Variants in TSHZ2 observed in about 807,000 individuals in gnomAD.
TSHZ2 encodes teashirt zinc finger homeobox 2, also known as teashirt homolog 2.
A neutral mutation model predicts 74.4 loss-of-function variants in TSHZ2; 21 were observed. The observed-to-expected ratio is 0.28, with a 90% CI of 0.20 to 0.41. The LOEUF (loss-of-function observed/expected upper bound fraction) is 0.41. TSHZ2 is among the 10% of genes least tolerant of loss of function. The probability of loss-of-function intolerance (pLI) is 1.00; values close to 1 mark genes in which losing one functional copy is unlikely to be tolerated. For missense variants in TSHZ2, 1,244 were observed against 1,293.5 expected, an observed-to-expected ratio of 0.96 and a Z score of 0.59; for synonymous variants, 540 against 515.3, an observed-to-expected ratio of 1.05 and a Z score of -0.65.
intron 2 of TSHZ2, among the ~76,000 whole-genome samples, chr20:53,419,145 G>A (rs1030356455): frequency 6.6e-6 from 1 of 152,208 alleles, no homozygotes; most frequent in African/African-American, 2.4e-5. Context: ...AAGCCGCTTT[G>A]TGGACCAGGT....
intron 2 of TSHZ2, among the ~76,000 whole-genome samples, chr20:53,325,938 C>T (rs185530139): frequency 3.0e-4 from 45 of 152,248 alleles, no homozygotes; most frequent in South Asian, 8.3e-4. Flanking sequence ...TCTGCCACCA[C>T]GCCCAGCTAA....
chr20:53,103,275 G>T (rs1026545312), intron 1 of TSHZ2, among the ~76,000 whole-genome samples: 3 of 152,288 alleles, frequency 2.0e-5, no homozygotes, highest in Non-Finnish European at 4.4e-5. Flanking sequence ...GAGCAAAAAT[G>T]GGTATCTTTT....
At chr20:53,332,895 G>A (rs1324662963) in intron 2 of TSHZ2, among the ~76,000 whole-genome samples, 2 of 152,146 alleles carry the variant, frequency 1.3e-5, no homozygotes, top group Admixed American at 6.6e-5. Flanking sequence ...TACTGCATCT[G>A]GTGCCAGCCC....
chr20:53,266,682 A>G (rs1328657617), intron 2 of TSHZ2, among the ~76,000 whole-genome samples: 1 of 152,070 alleles, frequency 6.6e-6, no homozygotes, highest in Non-Finnish European at 1.5e-5. Flanking sequence ...CTCAAGCCCT[A>G]TACAAGGCTC....
At chr20:53,009,700 T>G (rs2122993591) in intron 1 of TSHZ2, among the ~76,000 whole-genome samples, 1 of 152,278 alleles carries the variant, frequency 6.6e-6, no homozygotes, top group South Asian at 2.1e-4. Context: ...GAGAAAGATT[T>G]TCCCAGTCAA....
At chr20:53,382,713 G>C (rs1237059895) in intron 2 of TSHZ2, among the ~76,000 whole-genome samples, 1 of 152,190 alleles carries the variant, frequency 6.6e-6, no homozygotes, top group Non-Finnish European at 1.5e-5. Flanking sequence ...CAGGAGACCA[G>C]GATCATATAG....
intron 1 of TSHZ2, chr20:53,185,451 G>A: frequency 7.4e-7 from 1 of 1,351,592 alleles, no homozygotes; most frequent in Non-Finnish European, 9.5e-7. Context: ...GAGGCAGGCA[G>A]ATCAGATCAT....
intron 2 of TSHZ2, among the ~76,000 whole-genome samples, chr20:53,378,689 T>C (rs1981750300): frequency 6.6e-6 from 1 of 152,226 alleles, no homozygotes; most frequent in Non-Finnish European, 1.5e-5. Flanking sequence ...GGATAGCTAA[T>C]GAATACTTTT....
intron 1 of TSHZ2, among the ~76,000 whole-genome samples, chr20:53,228,026 T>TG (rs1989725043): frequency 6.7e-6 from 1 of 150,296 alleles, no homozygotes; most frequent in African/African-American, 2.5e-5. Flanking sequence ...GGTGTTTTTT[T>TG]TTTTTTTTTT....
chr20:53,240,721 T>TGATAGATA (rs11468792), intron 1 of TSHZ2, among the ~76,000 whole-genome samples: 35,965 of 144,832 alleles, frequency 0.25, 4,488 homozygotes, highest in Non-Finnish European at 0.26. Context: ...GATAGATAGA[T>TGATAGATA]GATAGATAGA....
intron 2 of TSHZ2, among the ~76,000 whole-genome samples, chr20:53,268,107 AGT>A (rs1043569624): frequency 3.9e-5 from 6 of 152,124 alleles, no homozygotes; most frequent in African/African-American, 1.4e-4. Flanking sequence ...TTCAGGAGAA[AGT>A]GTGGATTTGA....
chr20:52,995,507 A>G (rs920324267), intron 1 of TSHZ2, among the ~76,000 whole-genome samples: 1 of 152,246 alleles, frequency 6.6e-6, no homozygotes, highest in Non-Finnish European at 1.5e-5. Context: ...ATGCAGAGCC[A>G]GCAGAGTCCA....
chr20:53,467,246 C>A (rs1985590652), intron 2 of TSHZ2, among the ~76,000 whole-genome samples: 1 of 152,200 alleles, frequency 6.6e-6, no homozygotes. Flanking sequence ...AGCTTCCCTT[C>A]TGAATTGACA....
At chr20:53,482,783 G>A (rs769814348) in intron 2 of TSHZ2, among the ~76,000 whole-genome samples, 1 of 151,956 alleles carries the variant, frequency 6.6e-6, no homozygotes, top group Non-Finnish European at 1.5e-5. Context: ...GTGCACACCT[G>A]TGGTCCCAGT....
intron 2 of TSHZ2, among the ~76,000 whole-genome samples, chr20:53,337,689 G>A (rs1407591834): frequency 6.6e-6 from 1 of 152,142 alleles, no homozygotes. Context: ...CATTACCAAA[G>A]ATAATTAAAT....
chr20:53,006,584 T>C (rs1166254087), intron 1 of TSHZ2, among the ~76,000 whole-genome samples: 1 of 152,212 alleles, frequency 6.6e-6, no homozygotes, highest in Non-Finnish European at 1.5e-5. Context: ...CAGGAATCCA[T>C]CATCTATGTT....
chr20:53,001,205 C>CGTGTGTGTGTGTGTGTGTGTGTGTGT (rs558621179), intron 1 of TSHZ2, among the ~76,000 whole-genome samples: 5 of 94,182 alleles, frequency 5.3e-5, no homozygotes, highest in Admixed American at 1.0e-4. Context: ...CGTTCATGTG[C>CGTGTGTGTGTGTGTGTGTGTGTGTGT]GTGTGTGTGT....
chr20:53,253,686 T>A lies in TSHZ2; in HGVS notation c.228T>A (p.Asn76Lys), dbSNP rs369835985. 5.0e-6 allele frequency: 8 copies of A among 1,614,100 alleles called. No individual in the cohort carries two copies. In the African/African-American group the frequency reaches 6.7e-5, roughly 13 times the overall value. ...YQNSPGSHLS[N>K]QDAENESLLS... ...ACTCTCCAGGAAGTCATTTGTCCAA[T>A]CAGGATGCCGAGAACGAGTCTCTGC... The change falls in exon 2 of 3, where the codon AAT becomes AAA. Residue 76 changes from asparagine (N) to lysine (K), a missense_variant. Physicochemically the swap from Asn to Lys is moderately conservative, Grantham distance 94. This residue lies in a region of TSHZ2 where 470 missense variants were observed against 456.5 expected (regional missense o/e 1.03). Coordinates refer to ENST00000371497, the MANE Select transcript of TSHZ2 (RefSeq NM_173485.6).
At chr20:53,217,235 C>G (rs1403396192) in intron 1 of TSHZ2, among the ~76,000 whole-genome samples, 3 of 152,146 alleles carry the variant, frequency 2.0e-5, no homozygotes, top group Non-Finnish European at 2.9e-5. Context: ...TGCGCTTGGC[C>G]GATGCCAGCA....
Sources: allele counts gnomAD v4.1 joint callset (sites outside exome capture counted in the v4.1 genomes callset), GRCh38; gene constraint gnomAD v4.1.1; regional missense constraint gnomAD v4.1.1; transcripts MANE v1.5; gene names NCBI Gene and HGNC (gene_info 2026-07-23, HGNC 2026-07-21).